The following TRIM66 variants were observed in gnomAD, a reference collection of about 807,000 sequenced individuals.
TRIM66 encodes tripartite motif-containing protein 66.
Under a neutral mutation model 148.2 loss-of-function variants are expected in TRIM66, and 99 were observed. That is an observed-to-expected ratio of 0.67 (90% CI 0.57 to 0.79). The LOEUF is 0.79. Among genes scored for constraint, TRIM66 ranks in the 30% least tolerant of loss-of-function variants. The probability of loss-of-function intolerance (pLI) is 0.00; values close to 1 mark genes in which losing one functional copy is unlikely to be tolerated. For synonymous variants in TRIM66, 616 were observed against 635.9 expected (o/e 0.97, Z 0.47); for missense variants, 1,666 against 1,697.9 (o/e 0.98, Z 0.33).
At chr11:8,667,274 T>C (rs1435904798) in intron 6 of TRIM66, among the ~76,000 whole-genome samples, 3 of 152,140 alleles carry the variant, frequency 2.0e-5, no homozygotes, top group African/African-American at 7.2e-5. Flanking sequence ...GGGAAAATAT[T>C]TATGACATTG....
rs375697574 is a variant in TRIM66, at chr11:8,640,693, G to C, written c.1682C>G (p.Pro561Arg). ...ATGGGCTCCTTGCTGAACATCCTGT[G>C]GGGGGACAATGCACACGGGCTGGGA... Reference protein sequence around the residue: ...LTSQPVCIVPPQDVQQGAHAQ... With the variant: ...LTSQPVCIVPRQDVQQGAHAQ... The change falls in exon 14 of 25, where the codon CCA becomes CGA. Residue 561 changes from proline to arginine, a missense_variant. By Grantham distance (103) the Pro-to-Arg change is moderately radical. Coordinates refer to ENST00000646038, the MANE Select transcript of TRIM66 (RefSeq NM_001388022.1). 20 of 1,551,492 alleles carry C rather than the reference G, an allele frequency of 1.3e-5. No homozygotes were observed. Among genetic ancestry groups the C allele is most frequent in the East Asian group, 9.8e-5 (4 of 40,922 alleles).
intron 6 of TRIM66, among the ~76,000 whole-genome samples, chr11:8,658,445 T>A (rs1171055785): frequency 6.6e-6 from 1 of 152,112 alleles, no homozygotes; most frequent in African/African-American, 2.4e-5. Flanking sequence ...GCCCTCCATG[T>A]TCCCCAAAAT....
chr11:8,628,227 T>C (rs554984164), intron 15 of TRIM66, among the ~76,000 whole-genome samples: 11 of 152,316 alleles, frequency 7.2e-5, no homozygotes, highest in African/African-American at 2.6e-4. Flanking sequence ...GAAGTAGTGA[T>C]AGTAGCCATC....
At position 8,624,720 on chromosome 11, in the gene TRIM66, A is replaced by G. The variant is rs2034644649; in HGVS notation, c.2819T>C (p.Leu940Pro). ...DGADPSLENA[L>P]CKMESEDSTR... ...CATTTCCCCAGGACTTACCTTACAC[A>G]GAGCATTCTCCAGGGAGGGATCAGC... The change falls in exon 16 of 25, where the codon CTG (leucine) becomes CCG (proline). Residue 940 changes from leucine to proline, a missense_variant. This residue lies in a region of TRIM66 where 1,431 missense variants were observed against 1,412.4 expected (regional missense o/e 1.01). Coordinates refer to ENST00000646038, the MANE Select transcript of TRIM66 (RefSeq NM_001388022.1). The G allele has an allele frequency of 1.3e-6, 2 of 1,519,758 alleles. No homozygotes were observed. Among genetic ancestry groups the G allele is most frequent in the African/African-American group, 2.8e-5 (2 of 72,326 alleles). 94.1% of individuals were successfully genotyped at this position (1,519,758 alleles called of 1,614,324 possible).
intron 6 of TRIM66, among the ~76,000 whole-genome samples, chr11:8,658,582 T>G (rs1432702047): frequency 6.6e-6 from 1 of 152,038 alleles, no homozygotes; most frequent in Non-Finnish European, 1.5e-5. Context: ...TGTTTATACG[T>G]AGGAAGAATG....
chr11:8,637,503 C>G (rs939952842), intron 15 of TRIM66, among the ~76,000 whole-genome samples: 1 of 152,056 alleles, frequency 6.6e-6, no homozygotes, highest in African/African-American at 2.4e-5. Context: ...CAGGCACAGA[C>G]AAAAAGCCTC....
chr11:8,621,697 C>T lies in TRIM66; in HGVS notation c.3203G>A (p.Ser1068Asn), dbSNP rs1565474983. The change falls in exon 19 of 25, where the codon AGC becomes AAC. Residue 1068 changes from serine to asparagine, a missense_variant. This residue lies in a region of TRIM66 where 1,431 missense variants were observed against 1,412.4 expected (regional missense o/e 1.01). Transcript: ENST00000646038. Reference sequence around the variant, plus strand: ...GCCACACTCGATGATCAGCAGGAAGCTCCCATCCTGATCATTCTTCTGTGG... The same window carrying T: ...GCCACACTCGATGATCAGCAGGAAGTTCCCATCCTGATCATTCTTCTGTGG... ...LKPQKNDQDGSFLLIIECGTE... is the reference protein window; with the variant it reads ...LKPQKNDQDGNFLLIIECGTE... 2 of 1,551,536 alleles carry T rather than the reference C, an allele frequency of 1.3e-6. No homozygotes were observed. The highest frequency in any genetic ancestry group is 8.7e-7 in the Non-Finnish European group (1 of 1,146,872).
chr11:8,644,491 TACCCTCAAAC>T (rs2036677832), intron 12 of TRIM66: 1 of 445,100 alleles, frequency 2.2e-6, no homozygotes, highest in African/African-American at 2.0e-5. Flanking sequence ...GTATCCCTTC[TACCCTCAAAC>T]TTAACTACAG....
chr11:8,625,186 C>T lies in TRIM66; in HGVS notation c.2353G>A (p.Glu785Lys), dbSNP rs1258919490. Reference protein sequence around the residue: ...LSIMGFSNTLEMELSSTRLER... With the variant: ...LSIMGFSNTLKMELSSTRLER... The stretch of plus-strand genomic sequence containing the variant: ...AACCTGGTAGATGACAACTCCATCT[C>T]CAGAGTGTTGGAAAAGCCCATGATG... The change falls in exon 16 of 25, where the codon GAG becomes AAG. Residue 785 changes from glutamate (E) to lysine (K), a missense_variant. Glu to Lys is a moderately conservative substitution (Grantham distance 56, BLOSUM62 1). This residue lies in a region of TRIM66 where 1,431 missense variants were observed against 1,412.4 expected (regional missense o/e 1.01). Coordinates refer to ENST00000646038, the MANE Select transcript of TRIM66 (RefSeq NM_001388022.1). The T allele has an allele frequency of 6.5e-7, 1 of 1,529,496 alleles. No individual in the cohort carries two copies. Among genetic ancestry groups the T allele is most frequent in the Admixed American group, 2.0e-5 (1 of 50,022 alleles). The allele number at this position is 1,529,496 out of a possible 1,614,324, so 94.7% of individuals were successfully genotyped here. A position where few individuals can be genotyped will look rare whatever the true frequency, so the allele number is the denominator to read the frequency against.
intron 6 of TRIM66, among the ~76,000 whole-genome samples, chr11:8,671,175 G>T (rs1302782181): frequency 6.6e-6 from 1 of 152,220 alleles, no homozygotes; most frequent in Non-Finnish European, 1.5e-5. Flanking sequence ...TCTAAGTGTT[G>T]CCAACTTATT....
intron 1 of TRIM66, among the ~76,000 whole-genome samples, chr11:8,681,306 T>G (rs1057211646): frequency 2.0e-5 from 3 of 152,084 alleles, no homozygotes; most frequent in Non-Finnish European, 4.4e-5. Context: ...TCTAATTTTT[T>G]GTATTTTTAG....
chr11:8,629,274 T>G (rs1329601802), intron 15 of TRIM66, among the ~76,000 whole-genome samples: 1 of 152,246 alleles, frequency 6.6e-6, no homozygotes, highest in African/African-American at 2.4e-5. Context: ...TCATTCCGTT[T>G]TGCAATATAT....
rs1394852267 is a variant in TRIM66 at position 8,615,792 on chromosome 11, G to A, written c.*2152C>T. 1.3e-5 allele frequency: 2 copies of A among 152,176 alleles called. No homozygotes were observed. Among genetic ancestry groups the A allele is most frequent in the African/African-American group, 4.8e-5 (2 of 41,440 alleles). The allele number at this position is 152,176 out of a possible 1,614,324, so 9.4% of individuals were successfully genotyped here. ...AAGCTGGGAGCCTCACTCATATAAG[G>A]AAAGCCAAGCTTTTAACAGGTATTT... On this transcript the variant is annotated 3_prime_UTR_variant, in exon 25 of 25. Coordinates refer to ENST00000646038, the MANE Select transcript of TRIM66 (RefSeq NM_001388022.1).
intron 15 of TRIM66, among the ~76,000 whole-genome samples, chr11:8,638,282 C>T (rs1172999494): frequency 6.6e-6 from 1 of 152,192 alleles, no homozygotes; most frequent in Non-Finnish European, 1.5e-5. Flanking sequence ...ACTTCAGTTT[C>T]CTTAGCTGTA....
intron 6 of TRIM66, among the ~76,000 whole-genome samples, chr11:8,660,790 A>C (rs756807785): frequency 2.0e-5 from 3 of 152,210 alleles, no homozygotes; most frequent in Non-Finnish European, 4.4e-5. Context: ...TCTGAGCTGG[A>C]CCTTCAAGTT....
At chr11:8,652,034 T>C in intron 6 of TRIM66, 131 bp from the exon 7 acceptor site, 1 of 683,744 alleles carries the variant, frequency 1.5e-6, no homozygotes, top group South Asian at 2.0e-5. Context: ...TGAACTACAC[T>C]TGATGCCATA....
In TRIM66 at chr11:8,640,318, TGAG is replaced by T. The variant is rs1215304075; in HGVS notation, c.2054_2056del (p.Pro685del). 2.6e-5 allele frequency: 40 copies of T among 1,551,584 alleles called. No individual in the cohort carries two copies. Among genetic ancestry groups the T allele is most frequent in the Admixed American group, 3.9e-5 (2 of 50,976 alleles). On this transcript the variant is annotated inframe_deletion, in exon 14 of 25. Coordinates refer to ENST00000646038, the MANE Select transcript of TRIM66 (RefSeq NM_001388022.1). Reference sequence around the variant, plus strand: ...CCCCACAATGGTTTGCTGAAGATGCTGAGGAGATTTGGTCTGACTCAGTTGCAG... The same window carrying T: ...CCCCACAATGGTTTGCTGAAGATGCTGAGATTTGGTCTGACTCAGTTGCAG...
In TRIM66 at chr11:8,622,339, A is replaced by AACACACACACACACACACAC. The variant is rs150269400; in HGVS notation, c.3080+457_3080+476dup. 9.7e-4 allele frequency among the ~76,000 whole-genome samples: 69 copies of AACACACACACACACACACAC among 71,294 alleles called. 1 individual carries two copies. Among genetic ancestry groups the AACACACACACACACACACAC allele is most frequent in the East Asian group, 2.0e-3 (7 of 3,442 alleles). 46.8% of individuals were successfully genotyped at this position (71,294 alleles called of 152,430 possible). A position where few individuals can be genotyped will look rare whatever the true frequency, so the allele number is the denominator to read the frequency against. On this transcript the variant is annotated intron_variant, in intron 18 of 24. Transcript: ENST00000646038. ...TATATATGGAAGTACACACACACAC[A>AACACACACACACACACACAC]ACACACACACACACACACACACACA...
chr11:8,618,757 C>T lies in TRIM66; in HGVS notation c.4112G>A (p.Arg1371Gln), dbSNP rs1280126067. The change falls in exon 24 of 25, where the codon CGA (arginine) becomes CAA (glutamine). Residue 1371 changes from arginine to glutamine, a missense_variant. Arg to Gln is a conservative substitution (Grantham distance 43, BLOSUM62 1). Around this residue, in one of 3 missense-constraint regions of TRIM66, gnomAD observed 204 missense variants for 231.0 expected, o/e 0.88. Transcript: ENST00000646038. ...CTGGCAGTAACTCTTTACCATATGT[C>T]GTCGCCGCCTCTTGGGTTGGATGCC... ...QEGIQPKRRRRHMENERAKRM... is the reference protein window; with the variant it reads ...QEGIQPKRRRQHMENERAKRM... The T allele has an allele frequency of 2.6e-6, 4 of 1,549,834 alleles. No homozygotes were observed. Among genetic ancestry groups the T allele is most frequent in the African/African-American group, 1.4e-5 (1 of 73,030 alleles).
Sources: allele counts gnomAD v4.1 joint callset (sites outside exome capture counted in the v4.1 genomes callset), GRCh38; gene constraint gnomAD v4.1.1; regional missense constraint gnomAD v4.1.1; transcripts MANE v1.5; gene names NCBI Gene and HGNC (gene_info 2026-07-23, HGNC 2026-07-21).